CDH13: variants seen among roughly 807,000 people sequenced by gnomAD.
The protein encoded by CDH13 is cadherin-13.
Under a neutral mutation model 63.8 loss-of-function variants are expected in CDH13, and 24 were observed. The ratio of observed to expected loss-of-function variants is 0.38; its 90% confidence interval spans 0.27 to 0.53. The LOEUF is 0.53. Among genes scored for constraint, CDH13 ranks in the 20% least tolerant of loss-of-function variants. The probability of loss-of-function intolerance (pLI) is 0.85; values close to 1 mark genes in which losing one functional copy is unlikely to be tolerated. For missense variants in CDH13, 1,049 were observed against 903.1 expected, an observed-to-expected ratio of 1.16 and a Z score of -2.07; for synonymous variants, 503 against 355.3, an observed-to-expected ratio of 1.42 and a Z score of -4.67.
At chr16:82,809,820 A>T (rs2037351252) in intron 1 of CDH13, among the ~76,000 whole-genome samples, 1 of 152,176 alleles carries the variant, frequency 6.6e-6, no homozygotes, top group Non-Finnish European at 1.5e-5. Flanking sequence ...GCCATTAACA[A>T]AAATAATTCT....
chr16:83,675,188 G>A (rs934904620), intron 9 of CDH13, among the ~76,000 whole-genome samples: 2 of 152,206 alleles, frequency 1.3e-5, no homozygotes, highest in African/African-American at 4.8e-5. Flanking sequence ...GTAAGATTGT[G>A]TGCTTTGTGA....
chr16:83,797,210 C>G lies in CDH13; in HGVS notation c.*2180C>G, dbSNP rs188597867. 8 of 152,380 alleles carry G rather than the reference C, an allele frequency of 5.3e-5. No homozygotes were observed. In the East Asian group the frequency reaches 1.5e-3, roughly 29 times the overall value. The allele number at this position is 152,380 out of a possible 1,614,324, so 9.4% of individuals were successfully genotyped here. ...GCTGGTAGCCGGACACATATGCTAA[C>G]TGGCAATCAGGAAGTCACCCTCCAA... On this transcript the variant is annotated 3_prime_UTR_variant, in exon 14 of 14. Transcript: ENST00000567109.
At chr16:83,139,883 G>T (rs6565132) in intron 4 of CDH13, among the ~76,000 whole-genome samples, 39,870 of 151,718 alleles carry the variant, frequency 0.26, 6,042 homozygotes, top group African/African-American at 0.42. Flanking sequence ...ATGCCTGTAA[G>T]CCCAGCTACT....
chr16:83,323,631 CA>C (rs929255744), intron 5 of CDH13, among the ~76,000 whole-genome samples: 1 of 152,024 alleles, frequency 6.6e-6, no homozygotes, highest in Non-Finnish European at 1.5e-5. Flanking sequence ...CAAAAATAAA[CA>C]AAAAATAAAG....
intron 1 of CDH13, among the ~76,000 whole-genome samples, chr16:82,799,091 T>A (rs536106853): frequency 6.6e-6 from 1 of 152,256 alleles, no homozygotes; most frequent in South Asian, 2.1e-4. Context: ...GAATGATAGA[T>A]AAACATGAAG....
chr16:82,864,522 G>A (rs2040053646), intron 2 of CDH13, among the ~76,000 whole-genome samples: 1 of 152,064 alleles, frequency 6.6e-6, no homozygotes, highest in Non-Finnish European at 1.5e-5. Flanking sequence ...GAGATAAGGG[G>A]AGGAGCCCCT....
intron 5 of CDH13, among the ~76,000 whole-genome samples, chr16:83,344,071 C>T (rs1267845749): frequency 6.6e-6 from 1 of 152,150 alleles, no homozygotes; most frequent in Non-Finnish European, 1.5e-5. Flanking sequence ...GATCAAAATA[C>T]TCCTATGCGG....
At chr16:83,040,191 T>C (rs1456584401) in intron 3 of CDH13, among the ~76,000 whole-genome samples, 2 of 151,936 alleles carry the variant, frequency 1.3e-5, no homozygotes, top group African/African-American at 2.4e-5. Flanking sequence ...GGGTTCATAA[T>C]TGTGTGAACC....
At chr16:83,604,058 C>G (rs1206698874) in intron 8 of CDH13, among the ~76,000 whole-genome samples, 1 of 152,098 alleles carries the variant, frequency 6.6e-6, no homozygotes, top group Non-Finnish European at 1.5e-5. Context: ...TCACCTCCCA[C>G]CAGGCCCCAA....
intron 7 of CDH13, among the ~76,000 whole-genome samples, chr16:83,569,580 C>G (rs1008876426): frequency 6.6e-6 from 1 of 152,174 alleles, no homozygotes; most frequent in Non-Finnish European, 1.5e-5. Context: ...CCATCAGGCT[C>G]AATTGTGAAA....
Position 82,987,312 on chromosome 16 carries a change from T to C in CDH13, c.158-44698T>C, listed in dbSNP as rs1047561928. On this transcript the variant is annotated intron_variant, in intron 2 of 13. Coordinates refer to ENST00000567109, the MANE Select transcript of CDH13 (RefSeq NM_001257.5). ...TTCTATCTACTGGGCAGAGATCTTA[T>C]GATATGCTGCCTCATTGGCATGAAT... Among the ~76,000 whole-genome samples, 21 of 152,334 alleles carry C rather than the reference T, an allele frequency of 1.4e-4. No homozygotes were observed. In the East Asian group the frequency reaches 4.0e-3, roughly 29 times the overall value.
rs140655256 is a variant in CDH13, at chr16:83,578,646, T to C, written c.961-23808T>C. Among the ~76,000 whole-genome samples the C allele has an allele frequency of 1.3e-5, 2 of 152,344 alleles. 1 individual carries two copies. The highest frequency in any genetic ancestry group is 4.8e-5 in the African/African-American group (2 of 41,586). On this transcript the variant is annotated intron_variant, in intron 7 of 13. Transcript: ENST00000567109. ...TTAATGAGCATCTATTAATACTGCATGCCCAGCAGTGCCCTTGCTGTCAAG... is the reference window on the plus strand; with the variant it reads ...TTAATGAGCATCTATTAATACTGCACGCCCAGCAGTGCCCTTGCTGTCAAG...
intron 7 of CDH13, among the ~76,000 whole-genome samples, chr16:83,496,391 G>C (rs1478601510): frequency 1.3e-5 from 2 of 150,528 alleles, no homozygotes; most frequent in African/African-American, 2.4e-5. Context: ...ACAAACCTGA[G>C]AAAAACAAGC....
intron 3 of CDH13, among the ~76,000 whole-genome samples, chr16:83,043,062 C>G (rs936506942): frequency 3.3e-5 from 5 of 152,164 alleles, no homozygotes; most frequent in Non-Finnish European, 7.3e-5. Flanking sequence ...AATTATTGTA[C>G]GGATCCAAGA....
chr16:83,067,245 A>T (rs552551560), intron 3 of CDH13, among the ~76,000 whole-genome samples: 2 of 152,190 alleles, frequency 1.3e-5, no homozygotes, highest in African/African-American at 4.8e-5. Context: ...AGTAATGTTG[A>T]TAAGTATTGT....
At chr16:83,119,923 A>T (rs1478622953) in intron 3 of CDH13, among the ~76,000 whole-genome samples, 2 of 152,218 alleles carry the variant, frequency 1.3e-5, no homozygotes, top group African/African-American at 4.8e-5. Flanking sequence ...TCACAGGCAA[A>T]GATAGAAGCA....
intron 6 of CDH13, among the ~76,000 whole-genome samples, chr16:83,480,481 A>C (rs1359760937): frequency 6.6e-6 from 1 of 152,094 alleles, no homozygotes; most frequent in Non-Finnish European, 1.5e-5. Flanking sequence ...CGGTTAGGAG[A>C]GAACTGGCTC....
At chr16:83,543,382 C>A (rs1449661043) in intron 7 of CDH13, among the ~76,000 whole-genome samples, 1 of 152,150 alleles carries the variant, frequency 6.6e-6, no homozygotes, top group African/African-American at 2.4e-5. Flanking sequence ...TGACATGGCT[C>A]CTTTAATGGG....
chr16:83,498,384 CAA>C (rs1386942834), intron 7 of CDH13, among the ~76,000 whole-genome samples: 1 of 152,122 alleles, frequency 6.6e-6, no homozygotes, highest in Non-Finnish European at 1.5e-5. Context: ...CACCTGGAAA[CAA>C]AAAGACACTC....
Sources: allele counts gnomAD v4.1 joint callset (sites outside exome capture counted in the v4.1 genomes callset), GRCh38; gene constraint gnomAD v4.1.1; transcripts MANE v1.5; gene names NCBI Gene and HGNC (gene_info 2026-07-23, HGNC 2026-07-21).